The following SMCHD1 variants were observed in gnomAD, a reference collection of about 807,000 sequenced individuals.
SMCHD1 encodes structural maintenance of chromosomes flexible hinge domain containing 1.
In SMCHD1, 78 loss-of-function variants were observed where a neutral mutation model predicts 254.7. The observed-to-expected ratio is 0.31, with a 90% CI of 0.26 to 0.37. The LOEUF (loss-of-function observed/expected upper bound fraction) is 0.37. Among genes scored for constraint, SMCHD1 ranks in the 10% least tolerant of loss-of-function variants. The pLI is 1.00. For synonymous variants in SMCHD1, 766 were observed against 794.9 expected, an observed-to-expected ratio of 0.96 and a Z score of 0.61; for missense variants, 1,840 against 2,408.1, an observed-to-expected ratio of 0.76 and a Z score of 4.94.
chr18:2,798,904 G>A (rs1350316778), intron 47 of SMCHD1, among the ~76,000 whole-genome samples: 1 of 152,204 alleles, frequency 6.6e-6, no homozygotes, highest in Admixed American at 6.5e-5. Context: ...TTGTGCCACA[G>A]TCTCAGCACT....
At chr18:2,710,469 A>C (rs1442348769) in intron 17 of SMCHD1, among the ~76,000 whole-genome samples, 3 of 152,206 alleles carry the variant, frequency 2.0e-5, no homozygotes, top group Non-Finnish European at 2.9e-5. Flanking sequence ...TATGCAGATC[A>C]CTTTGAGTAT....
rs544053784 is a variant in SMCHD1, at chr18:2,739,351, A to G, written c.3426-81A>G. 12 of 925,702 alleles carry G rather than the reference A, an allele frequency of 1.3e-5. No homozygotes were observed. In the East Asian group the frequency reaches 1.9e-4, roughly 15 times the overall value. 57.3% of individuals were successfully genotyped at this position (925,702 alleles called of 1,614,324 possible). On this transcript the variant is annotated intron_variant, in intron 26 of 47. Coordinates refer to ENST00000320876, the MANE Select transcript of SMCHD1 (RefSeq NM_015295.3). ...TTGAGTTATTGGATATGAACATTAT[A>G]TATGTGTTATTCTGTAGCATGTTGG...
At chr18:2,758,650 C>A (rs747537119) in intron 34 of SMCHD1, among the ~76,000 whole-genome samples, 12 of 152,148 alleles carry the variant, frequency 7.9e-5, no homozygotes, top group Non-Finnish European at 2.9e-5. Context: ...CACCTTCATA[C>A]TTGAAGGATA....
intron 38 of SMCHD1, 45 bp downstream of exon 38, chr18:2,769,865 A>T (rs1410039047): frequency 6.4e-7 from 1 of 1,570,648 alleles, no homozygotes. Flanking sequence ...TGTTAGTGAT[A>T]CTTTAGATAA....
At chr18:2,782,561 G>A (rs1241744334) in intron 44 of SMCHD1, among the ~76,000 whole-genome samples, 1 of 151,394 alleles carries the variant, frequency 6.6e-6, no homozygotes, top group East Asian at 1.9e-4. Context: ...GCAACATAGT[G>A]AGACGCCAAC....
At chr18:2,747,890 T>C (rs2075486342) in intron 30 of SMCHD1, among the ~76,000 whole-genome samples, 1 of 152,200 alleles carries the variant, frequency 6.6e-6, no homozygotes, top group South Asian at 2.1e-4. Context: ...GTTTCTTATA[T>C]AGTGCTAGTA....
rs1304958528 is a variant in SMCHD1, at chr18:2,655,915, T to TGCCGCTGCTCGGCCGCC, written c.-153_-137dup. 9.0e-6 allele frequency: 4 copies of TGCCGCTGCTCGGCCGCC among 442,402 alleles called. No individual in the cohort carries two copies. The highest frequency in any genetic ancestry group is 1.1e-5 in the Non-Finnish European group (3 of 272,796). The allele number at this position is 442,402 out of a possible 1,614,324, so 27.4% of individuals were successfully genotyped here. ...TCGGTTCCCGGGTGATCCTCGCGCC[T>TGCCGCTGCTCGGCCGCC]GCCGCTGCTCGGCCGCCGCCGCTGA... On this transcript the variant is annotated 5_prime_UTR_variant, in exon 1 of 48. Coordinates refer to ENST00000320876, the MANE Select transcript of SMCHD1 (RefSeq NM_015295.3).
At chr18:2,717,939 AAG>A (rs2074838874) in intron 17 of SMCHD1, among the ~76,000 whole-genome samples, 1 of 144,706 alleles carries the variant, frequency 6.9e-6, no homozygotes, top group Non-Finnish European at 1.6e-5. Context: ...AATAAAGTGA[AAG>A]AGTTTATAAG....
Position 2,796,087 on chromosome 18 carries a change from A to C in SMCHD1, c.5858A>C (p.Lys1953Thr). The C allele has an allele frequency of 1.3e-6, 2 of 1,566,816 alleles. No individual in the cohort carries two copies. Among genetic ancestry groups the C allele is most frequent in the East Asian group, 4.6e-5 (2 of 43,510 alleles). ...CTTGATGAACATGAGAAAAATCTCA[A>C]ACTAATAGAGGAAAAACTAGGTAAG... ...QELDEHEKNL[K>T]LIEEKLGMTP... is the part of the protein sequence containing the mutation. Residue 1953 changes from lysine to threonine, a missense_variant, in exon 46 of 48, where the codon AAA becomes ACA. Transcript: ENST00000320876.
intron 33 of SMCHD1, among the ~76,000 whole-genome samples, 181 bp from the exon 34 acceptor site, chr18:2,752,307 A>G (rs941295926): frequency 1.3e-5 from 2 of 152,124 alleles, no homozygotes; most frequent in East Asian, 3.9e-4. Context: ...ACTGTCACTA[A>G]TCTCACATTG....
chr18:2,696,778 C>T (rs547930403), intron 8 of SMCHD1, among the ~76,000 whole-genome samples: 6 of 152,304 alleles, frequency 3.9e-5, no homozygotes, highest in South Asian at 2.1e-4. Flanking sequence ...TTGAAGCCCA[C>T]GGCTCCCTAA....
chr18:2,737,070 C>T (rs959049314), intron 25 of SMCHD1, among the ~76,000 whole-genome samples: 1 of 152,148 alleles, frequency 6.6e-6, no homozygotes, highest in Non-Finnish European at 1.5e-5. Context: ...ATGTCCTTTG[C>T]AGCAACATGG....
chr18:2,702,975 T>C (rs542528215), intron 12 of SMCHD1, among the ~76,000 whole-genome samples: 6 of 152,342 alleles, frequency 3.9e-5, no homozygotes, highest in Non-Finnish European at 7.4e-5. Context: ...CACCTTATGC[T>C]TGAATACAGA....
At chr18:2,670,549 A>C (rs2073565540) in intron 3 of SMCHD1, among the ~76,000 whole-genome samples, 1 of 152,184 alleles carries the variant, frequency 6.6e-6, no homozygotes, top group Non-Finnish European at 1.5e-5. Context: ...TAAGAACAGA[A>C]CCTTCATCTG....
chr18:2,721,026 C>T lies in SMCHD1; in HGVS notation c.2459-1493C>T, dbSNP rs183918185. On this transcript the variant is annotated intron_variant, in intron 19 of 47. Coordinates refer to ENST00000320876, the MANE Select transcript of SMCHD1 (RefSeq NM_015295.3). ...GGATGAGGAGGGTCGTTGACTAGCA[C>T]ATGCATTGAAGGATGGGGATCTGTG... is the stretch of plus-strand genomic sequence containing the variant. Among the ~76,000 whole-genome samples, 340 of 152,318 alleles carry T rather than the reference C, an allele frequency of 2.2e-3. 2 individuals are homozygous for T. Among genetic ancestry groups the T allele is most frequent in the Non-Finnish European group, 3.6e-3 (245 of 68,028 alleles).
intron 3 of SMCHD1, 127 bp downstream of exon 3, chr18:2,667,158 T>G: frequency 1.4e-6 from 1 of 700,976 alleles, no homozygotes; most frequent in East Asian, 2.7e-5. Flanking sequence ...CTCATTTTCT[T>G]TCTTACTCAA....
chr18:2,673,765 G>A (rs184848399), intron 4 of SMCHD1, among the ~76,000 whole-genome samples: 4 of 152,088 alleles, frequency 2.6e-5, no homozygotes, highest in Non-Finnish European at 5.9e-5. Context: ...GCACACCTTG[G>A]TACATGTCTC....
intron 44 of SMCHD1, among the ~76,000 whole-genome samples, chr18:2,779,985 A>G (rs927345250): frequency 6.6e-6 from 1 of 152,168 alleles, no homozygotes; most frequent in African/African-American, 2.4e-5. Context: ...CCTGCCTGTA[A>G]TCCCAGCACT....
chr18:2,758,391 A>C (rs999186034), intron 34 of SMCHD1, among the ~76,000 whole-genome samples: 10 of 152,158 alleles, frequency 6.6e-5, no homozygotes, highest in Non-Finnish European at 1.3e-4. Context: ...TAAGCAGTGC[A>C]TGGATCTTAG....
Sources: gnomAD v4.1 joint callset for allele counts (sites outside exome capture counted in the v4.1 genomes callset) on GRCh38, gnomAD v4.1.1 for gene constraint, MANE v1.5 for transcripts, NCBI Gene and HGNC (gene_info 2026-07-23, HGNC 2026-07-21) for gene names.